FGF10: variants seen among roughly 807,000 people sequenced by gnomAD.
FGF10 encodes fibroblast growth factor 10.
FGF10 carries 2 observed loss-of-function variants against 19.8 expected under a neutral mutation model. That is an observed-to-expected ratio of 0.10 (90% CI 0.04 to 0.32). The LOEUF (loss-of-function observed/expected upper bound fraction) is 0.32, where lower values mean the gene tolerates loss of function less well. FGF10 is among the 10% of genes least tolerant of loss of function. FGF10 has a pLI of 1.00. For missense variants in FGF10, 191 were observed against 246.3 expected (o/e 0.78, Z 1.50); for synonymous variants, 112 against 94.0 (o/e 1.19, Z -1.10).
intron 1 of FGF10, among the ~76,000 whole-genome samples, chr5:44,321,148 T>A (rs1295019080): frequency 6.6e-6 from 1 of 152,182 alleles, no homozygotes; most frequent in African/African-American, 2.4e-5. Flanking sequence ...GAAGAGTTGA[T>A]CCTTCCTGCT....
In FGF10 at chr5:44,304,973, C is replaced by T; in HGVS notation, c.*22G>A. ...GGCAAAAGAGCCATTGGTTCTACTG[C>T]ATCCACAAACGTTGCCTTCCTCTAT... On this transcript the variant is annotated 3_prime_UTR_variant, in exon 3 of 3. Coordinates refer to ENST00000264664, the MANE Select transcript of FGF10 (RefSeq NM_004465.2). 2 of 1,610,466 alleles carry T rather than the reference C, an allele frequency of 1.2e-6. No individual in the cohort carries two copies.
chr5:44,306,240 A>G (rs917057103), intron 2 of FGF10, among the ~76,000 whole-genome samples: 1 of 152,056 alleles, frequency 6.6e-6, no homozygotes. Context: ...TACTAAAAAT[A>G]GAAAAAATTA....
At chr5:44,371,243 C>T (rs1444709124) in intron 1 of FGF10, among the ~76,000 whole-genome samples, 1 of 152,018 alleles carries the variant, frequency 6.6e-6, no homozygotes, top group Non-Finnish European at 1.5e-5. Context: ...ACACTCAGCC[C>T]CTTTGATGTG....
chr5:44,385,192 A>T (rs1465476540), intron 1 of FGF10, among the ~76,000 whole-genome samples: 2 of 152,202 alleles, frequency 1.3e-5, no homozygotes, highest in Non-Finnish European at 2.9e-5. Flanking sequence ...CAGGAGAAAC[A>T]TAATTCATCT....
At chr5:44,332,684 G>T (rs1740763052) in intron 1 of FGF10, among the ~76,000 whole-genome samples, 1 of 152,104 alleles carries the variant, frequency 6.6e-6, no homozygotes, top group South Asian at 2.1e-4. Flanking sequence ...CAAACTCCCA[G>T]GTGATTTCAG....
intron 1 of FGF10, among the ~76,000 whole-genome samples, chr5:44,374,136 C>T (rs1026212428): frequency 3.9e-5 from 6 of 152,114 alleles, no homozygotes; most frequent in African/African-American, 1.4e-4. Context: ...CTCTTCCAGT[C>T]TCCTTGGCTC....
intron 1 of FGF10, among the ~76,000 whole-genome samples, chr5:44,382,175 A>C (rs1466747559): frequency 1.3e-5 from 2 of 152,172 alleles, no homozygotes; most frequent in Non-Finnish European, 2.9e-5. Flanking sequence ...CGGCAGTAAA[A>C]AGTCACTGTC....
chr5:44,376,415 G>A (rs1246587265), intron 1 of FGF10, among the ~76,000 whole-genome samples: 2 of 134,176 alleles, frequency 1.5e-5, no homozygotes, highest in Non-Finnish European at 3.1e-5. Context: ...TCCAGAAAAA[G>A]AAGTTTAGCA....
chr5:44,302,812 G>GT lies in FGF10; in HGVS notation c.*2182dup, dbSNP rs1739994508. On this transcript the variant is annotated 3_prime_UTR_variant, in exon 3 of 3. Transcript: ENST00000264664. ...TGACTGTTTACACATAGTCTCTTTA[G>GT]TAATCTAAATGTCTATGTGAAATAA... is the stretch of plus-strand genomic sequence containing the variant. Among the ~76,000 whole-genome samples the GT allele has an allele frequency of 6.6e-6, 1 of 152,118 alleles. No individual in the cohort carries two copies. Among genetic ancestry groups the GT allele is most frequent in the South Asian group, 2.1e-4 (1 of 4,834 alleles).
intron 1 of FGF10, among the ~76,000 whole-genome samples, chr5:44,347,399 T>C (rs570205158): frequency 6.6e-6 from 1 of 151,838 alleles, no homozygotes; most frequent in Admixed American, 6.6e-5. Context: ...ATATGGTAAC[T>C]TTTGCCTAGT....
rs201058164 is a variant in FGF10, at chr5:44,388,317, G to T, written c.325+41C>A. 103 of 1,580,414 alleles carry T rather than the reference G, an allele frequency of 6.5e-5. 2 individuals are homozygous for T. In the South Asian group the frequency reaches 9.8e-4, roughly 15 times the overall value. On this transcript the variant is annotated intron_variant, in intron 1 of 2. Transcript: ENST00000264664. Reference sequence around the variant, plus strand: ...TTTTTCCCCCCCGTGTGGGCTGGGGGTGGATAATTGGAAGGAGGGGAGCAT... The same window carrying T: ...TTTTTCCCCCCCGTGTGGGCTGGGGTTGGATAATTGGAAGGAGGGGAGCAT...
intron 1 of FGF10, among the ~76,000 whole-genome samples, chr5:44,328,170 AAC>A (rs1313657485): frequency 5.9e-5 from 9 of 152,208 alleles, no homozygotes; most frequent in African/African-American, 2.2e-4. Flanking sequence ...CATTAGAATC[AAC>A]AGTTTTCTTT....
At position 44,302,517 on chromosome 5, in the gene FGF10, C is replaced by T. The variant is rs1430777964; in HGVS notation, c.*2478G>A. Among the ~76,000 whole-genome samples the T allele has an allele frequency of 5.9e-5, 9 of 152,024 alleles. No individual in the cohort carries two copies. The highest frequency in any genetic ancestry group is 5.9e-4 in the Admixed American group (9 of 15,238). Reference sequence around the variant, plus strand: ...GGGACCACAGGTATATGCCACCACGCATGGCTACATTTGTTTTGTTTTGTT... The same window carrying T: ...GGGACCACAGGTATATGCCACCACGTATGGCTACATTTGTTTTGTTTTGTT... On this transcript the variant is annotated 3_prime_UTR_variant, in exon 3 of 3. Coordinates refer to ENST00000264664, the MANE Select transcript of FGF10 (RefSeq NM_004465.2).
At chr5:44,322,890 A>G (rs1740531563) in intron 1 of FGF10, among the ~76,000 whole-genome samples, 1 of 152,066 alleles carries the variant, frequency 6.6e-6, no homozygotes, top group Admixed American at 6.6e-5. Flanking sequence ...AAAGTACGCA[A>G]TAAAAGTAAT....
At chr5:44,376,790 A>G (rs1211677759) in intron 1 of FGF10, among the ~76,000 whole-genome samples, 2 of 152,082 alleles carry the variant, frequency 1.3e-5, no homozygotes, top group African/African-American at 2.4e-5. Flanking sequence ...ATTTCTTGCT[A>G]CTTACTATAT....
rs796974863 is a variant in FGF10, at chr5:44,322,873, T to C, written c.326-12343A>G. On this transcript the variant is annotated intron_variant, in intron 1 of 2. Transcript: ENST00000264664. ...ATATATTACAATGTAATAATAATAA[T>C]AGAAATAAAGTACGCAATAAAAGTA... is the stretch of plus-strand genomic sequence containing the variant. 1.4e-4 allele frequency among the ~76,000 whole-genome samples: 22 copies of C among 152,074 alleles called. 2 individuals carry two copies. The highest frequency in any genetic ancestry group is 5.3e-4 in the African/African-American group (22 of 41,502).
intron 1 of FGF10, among the ~76,000 whole-genome samples, chr5:44,350,080 T>G (rs1277099822): frequency 6.6e-6 from 1 of 150,902 alleles, no homozygotes; most frequent in East Asian, 1.9e-4. Flanking sequence ...ACATCTAGAG[T>G]TGAAATTGTC....
chr5:44,326,543 C>T (rs1445930420), intron 1 of FGF10, among the ~76,000 whole-genome samples: 1 of 151,878 alleles, frequency 6.6e-6, no homozygotes, highest in African/African-American at 2.4e-5. Flanking sequence ...GGACTACAGG[C>T]ACAAACCACC....
intron 1 of FGF10, among the ~76,000 whole-genome samples, chr5:44,367,370 T>C (rs1426835368): frequency 2.0e-5 from 3 of 152,094 alleles, no homozygotes; most frequent in Non-Finnish European, 4.4e-5. Flanking sequence ...GAATACTCTA[T>C]GGAAGTTTCC....
Sources: allele counts gnomAD v4.1 joint callset (sites outside exome capture counted in the v4.1 genomes callset), GRCh38; gene constraint gnomAD v4.1.1; transcripts MANE v1.5; gene names NCBI Gene and HGNC (gene_info 2026-07-23, HGNC 2026-07-21).